Variants in GPC5 observed in about 807,000 individuals in gnomAD.
GPC5 encodes the protein glypican-5.
In GPC5, 47 loss-of-function variants were observed where a neutral mutation model predicts 53.9. The observed-to-expected ratio is 0.87, with a 90% confidence interval of 0.69 to 1.11. The LOEUF is 1.11. Among genes scored for constraint, GPC5 ranks in the 50% most tolerant of loss-of-function variants. GPC5 has a pLI of 0.00. For synonymous variants in GPC5, 286 were observed against 263.3 expected (o/e 1.09, Z -0.84); for missense variants, 748 against 713.1 (o/e 1.05, Z -0.56).
intron 6 of GPC5, among the ~76,000 whole-genome samples, chr13:92,130,195 G>A (rs987910519): frequency 2.0e-5 from 3 of 152,022 alleles, no homozygotes; most frequent in Non-Finnish European, 2.9e-5. Context: ...GTGAGACACA[G>A]TAAAATATAT....
intron 7 of GPC5, among the ~76,000 whole-genome samples, chr13:92,344,574 AGC>A (rs2043395002): frequency 6.6e-6 from 1 of 152,170 alleles, no homozygotes; most frequent in Non-Finnish European, 1.5e-5. Context: ...TTTATGGGAG[AGC>A]AGGACAGTCT....
At chr13:91,949,224 C>T (rs1475389013) in intron 6 of GPC5, among the ~76,000 whole-genome samples, 1 of 152,148 alleles carries the variant, frequency 6.6e-6, no homozygotes, top group Non-Finnish European at 1.5e-5. Flanking sequence ...GAAGGACAGT[C>T]ATCTCCATGT....
At chr13:92,794,512 C>T (rs534385172) in intron 7 of GPC5, among the ~76,000 whole-genome samples, 28 of 152,080 alleles carry the variant, frequency 1.8e-4, no homozygotes, top group African/African-American at 6.5e-4. Flanking sequence ...CTATTCAACA[C>T]AGTGTTGGAA....
intron 6 of GPC5, among the ~76,000 whole-genome samples, chr13:91,990,734 A>G (rs150993045): frequency 6.6e-6 from 1 of 152,362 alleles, no homozygotes; most frequent in Admixed American, 6.5e-5. Flanking sequence ...TTGCTCACGC[A>G]GTCAGAGAAC....
intron 2 of GPC5, among the ~76,000 whole-genome samples, chr13:91,670,294 T>C (rs772815793): frequency 6.6e-6 from 1 of 152,204 alleles, no homozygotes; most frequent in Non-Finnish European, 1.5e-5. Context: ...ATTGGTGTTC[T>C]ATTTGGATTA....
intron 6 of GPC5, among the ~76,000 whole-genome samples, chr13:92,127,633 A>C (rs2041710095): frequency 6.6e-6 from 1 of 152,164 alleles, no homozygotes; most frequent in Non-Finnish European, 1.5e-5. Flanking sequence ...TAGCAGATAC[A>C]TCTAAGTAGG....
At chr13:91,775,714 C>G (rs1012524478) in intron 5 of GPC5, among the ~76,000 whole-genome samples, 1 of 152,198 alleles carries the variant, frequency 6.6e-6, no homozygotes, top group Non-Finnish European at 1.5e-5. Flanking sequence ...GCATCCCTTA[C>G]ACTTGATGTA....
chr13:91,611,865 A>G (rs1417488515), intron 2 of GPC5, among the ~76,000 whole-genome samples: 2 of 152,106 alleles, frequency 1.3e-5, no homozygotes, highest in East Asian at 3.9e-4. Context: ...TGAGACATAC[A>G]CCTGAACACT....
chr13:91,903,528 C>T (rs1448704996), intron 5 of GPC5, among the ~76,000 whole-genome samples: 1 of 152,036 alleles, frequency 6.6e-6, no homozygotes, highest in Non-Finnish European at 1.5e-5. Context: ...TATCATTTCT[C>T]TTTTTTATTT....
intron 6 of GPC5, among the ~76,000 whole-genome samples, chr13:92,131,681 CT>C (rs1342473667): frequency 6.6e-6 from 1 of 151,640 alleles, no homozygotes; most frequent in African/African-American, 2.4e-5. Context: ...TAGGAGTTAC[CT>C]TTTTTTGGGT....
chr13:91,577,118 C>G (rs1332773788), intron 2 of GPC5, among the ~76,000 whole-genome samples: 1 of 152,110 alleles, frequency 6.6e-6, no homozygotes, highest in Non-Finnish European at 1.5e-5. Flanking sequence ...ATTGGTTCTT[C>G]CTGTCTCCCT....
At chr13:91,683,187 C>A (rs889727043) in intron 2 of GPC5, among the ~76,000 whole-genome samples, 1 of 151,944 alleles carries the variant, frequency 6.6e-6, no homozygotes, top group Non-Finnish European at 1.5e-5. Context: ...ACGCAGAAGA[C>A]AATGTGAGAT....
At chr13:92,338,321 A>G (rs940276025) in intron 7 of GPC5, among the ~76,000 whole-genome samples, 1 of 152,130 alleles carries the variant, frequency 6.6e-6, no homozygotes, top group Non-Finnish European at 1.5e-5. Context: ...GGAACTATCA[A>G]TAATTGTTGC....
intron 2 of GPC5, among the ~76,000 whole-genome samples, chr13:91,517,948 C>G (rs981719447): frequency 8.5e-5 from 13 of 152,150 alleles, no homozygotes; most frequent in African/African-American, 3.1e-4. Context: ...CTCCCCCGGG[C>G]CCCTCCCACA....
At chr13:92,047,870 A>C (rs375069908) in intron 6 of GPC5, among the ~76,000 whole-genome samples, 1 of 151,596 alleles carries the variant, frequency 6.6e-6, no homozygotes, top group East Asian at 1.9e-4. Context: ...ATGCACCTGT[A>C]ATCTCAGCTT....
chr13:91,560,274 C>T (rs1168147356), intron 2 of GPC5, among the ~76,000 whole-genome samples: 1 of 152,120 alleles, frequency 6.6e-6, no homozygotes, highest in Non-Finnish European at 1.5e-5. Context: ...CTAGAAGATA[C>T]TCTACTAAGG....
intron 2 of GPC5, among the ~76,000 whole-genome samples, chr13:91,452,461 C>A (rs1164189800): frequency 6.6e-6 from 1 of 152,086 alleles, no homozygotes; most frequent in East Asian, 1.9e-4. Context: ...TGTCACAGTG[C>A]AAACAATAAC....
At chr13:91,580,243 G>C (rs988546831) in intron 2 of GPC5, among the ~76,000 whole-genome samples, 2 of 152,024 alleles carry the variant, frequency 1.3e-5, no homozygotes, top group East Asian at 3.9e-4. Flanking sequence ...GTAGAGACAG[G>C]GTTTCATCGT....
chr13:91,913,382 G>C (rs2039628757), intron 6 of GPC5, among the ~76,000 whole-genome samples: 1 of 148,670 alleles, frequency 6.7e-6, no homozygotes, highest in Admixed American at 6.7e-5. Flanking sequence ...CTGGGTGACA[G>C]AGCAAGACTC....
Sources: gnomAD v4.1 joint callset for allele counts (sites outside exome capture counted in the v4.1 genomes callset) on GRCh38, gnomAD v4.1.1 for gene constraint, MANE v1.5 for transcripts, NCBI Gene and HGNC (gene_info 2026-07-23, HGNC 2026-07-21) for gene names.